Variants in RBFOX1 observed in about 807,000 individuals in gnomAD.
RBFOX1 encodes RNA binding fox-1 homolog 1, also known as RNA binding protein fox-1 homolog 1.
RBFOX1 carries 8 observed loss-of-function variants against 57.7 expected under a neutral mutation model. That is an observed-to-expected ratio of 0.14 (90% CI 0.08 to 0.25). RBFOX1 has a LOEUF of 0.25. Ranked by LOEUF, RBFOX1 falls within the 10% of genes least tolerant of loss-of-function variation. RBFOX1 has a pLI of 1.00. For synonymous variants in RBFOX1, 326 were observed against 222.4 expected (o/e 1.47, Z -4.15); for missense variants, 611 against 548.5 (o/e 1.11, Z -1.14).
intron 4 of RBFOX1, among the ~76,000 whole-genome samples, chr16:7,444,492 GA>G (rs1242001633): frequency 6.6e-6 from 1 of 152,126 alleles, no homozygotes; most frequent in Non-Finnish European, 1.5e-5. Context: ...AAATAATAAA[GA>G]TGTTCTGCAA....
intron 1 of RBFOX1, among the ~76,000 whole-genome samples, chr16:5,436,220 G>A (rs2067913951): frequency 6.6e-6 from 1 of 152,168 alleles, no homozygotes; most frequent in South Asian, 2.1e-4. Flanking sequence ...TCAAAAGGGG[G>A]CTCGTGACTC....
chr16:7,229,552 G>A (rs1326388776), intron 4 of RBFOX1, among the ~76,000 whole-genome samples: 2 of 147,400 alleles, frequency 1.4e-5, no homozygotes, highest in African/African-American at 5.1e-5. Context: ...AGGAGAGAGA[G>A]AGGAAGGAAG....
chr16:7,176,465 C>G (rs892512414), intron 4 of RBFOX1, among the ~76,000 whole-genome samples: 1 of 152,046 alleles, frequency 6.6e-6, no homozygotes, highest in South Asian at 2.1e-4. Context: ...TACGAGGTAT[C>G]TATTATGTCA....
intron 3 of RBFOX1, among the ~76,000 whole-genome samples, chr16:6,873,001 T>A (rs895955601): frequency 1.3e-5 from 2 of 152,148 alleles, no homozygotes; most frequent in African/African-American, 2.4e-5. Flanking sequence ...AGAGATCTTA[T>A]AAAGATAATT....
At chr16:6,034,008 A>C (rs2095327197) in intron 1 of RBFOX1, among the ~76,000 whole-genome samples, 1 of 152,134 alleles carries the variant, frequency 6.6e-6, no homozygotes, top group African/African-American at 2.4e-5. Flanking sequence ...CTGCTGCTAT[A>C]ACAAAATGCT....
At chr16:5,440,441 G>A (rs2068050469) in intron 1 of RBFOX1, among the ~76,000 whole-genome samples, 2 of 152,168 alleles carry the variant, frequency 1.3e-5, no homozygotes, top group South Asian at 4.1e-4. Context: ...AATTTCCACG[G>A]TGTTGTTTTA....
At chr16:5,309,622 A>C (rs982137018) in intron 1 of RBFOX1, among the ~76,000 whole-genome samples, 22 of 152,146 alleles carry the variant, frequency 1.4e-4, no homozygotes, top group Admixed American at 6.5e-4. Context: ...AATAGTGTAC[A>C]TTGTACCTGT....
intron 1 of RBFOX1, among the ~76,000 whole-genome samples, chr16:6,155,879 G>A (rs993640300): frequency 2.6e-5 from 4 of 152,010 alleles, no homozygotes; most frequent in Non-Finnish European, 4.4e-5. Context: ...GTCTTTTGCT[G>A]AGCATTTCAA....
intron 10 of RBFOX1, among the ~76,000 whole-genome samples, chr16:7,609,469 C>A (rs955730149): frequency 6.6e-6 from 1 of 152,150 alleles, no homozygotes; most frequent in Non-Finnish European, 1.5e-5. Context: ...AGAATAAATT[C>A]ATCTGCATGA....
intron 3 of RBFOX1, among the ~76,000 whole-genome samples, chr16:6,742,107 C>T (rs1046312182): frequency 1.3e-5 from 2 of 152,062 alleles, no homozygotes; most frequent in Non-Finnish European, 2.9e-5. Context: ...TAAATATATA[C>T]AGTTATTATT....
chr16:5,544,351 A>G (rs1035450171), intron 2 of RBFOX1, among the ~76,000 whole-genome samples: 1 of 152,204 alleles, frequency 6.6e-6, no homozygotes, highest in African/African-American at 2.4e-5. Context: ...GGTTAAAGAG[A>G]AATTAGAAGC....
chr16:5,844,428 T>C (rs1297972386), intron 3 of RBFOX1, among the ~76,000 whole-genome samples: 1 of 152,236 alleles, frequency 6.6e-6, no homozygotes, highest in Non-Finnish European at 1.5e-5. Flanking sequence ...TGGCATTACA[T>C]TATTGATAAA....
In RBFOX1 at chr16:6,261,309, T is replaced by G. The variant is rs986284014; in HGVS notation, c.-126-55686T>G. Among the ~76,000 whole-genome samples, 7 of 152,226 alleles carry G rather than the reference T, an allele frequency of 4.6e-5. No individual in the cohort carries two copies. In the East Asian group the frequency reaches 1.4e-3, roughly 29 times the overall value. On this transcript the variant is annotated intron_variant, in intron 1 of 15. Transcript: ENST00000550418. ...CAAAATCAGTGTCTTTGAGTCCTGGTGTTAGCCTCATCTTTCAGTTTTTCC... is the reference window on the plus strand; with the variant it reads ...CAAAATCAGTGTCTTTGAGTCCTGGGGTTAGCCTCATCTTTCAGTTTTTCC...
chr16:5,359,933 T>A (rs905343551), intron 1 of RBFOX1, among the ~76,000 whole-genome samples: 1 of 98,082 alleles, frequency 1.0e-5, no homozygotes, highest in African/African-American at 5.5e-5. Context: ...ATCTCTTGAT[T>A]ATGTTTTTTT....
chr16:5,903,460 T>C (rs545735163), intron 4 of RBFOX1, among the ~76,000 whole-genome samples: 1 of 152,220 alleles, frequency 6.6e-6, no homozygotes, highest in Non-Finnish European at 1.5e-5. Context: ...GGGGTACAGT[T>C]GCTGTGTGCT....
At chr16:6,665,114 C>G (rs1192897375) in intron 3 of RBFOX1, among the ~76,000 whole-genome samples, 1 of 152,200 alleles carries the variant, frequency 6.6e-6, no homozygotes, top group Non-Finnish European at 1.5e-5. Context: ...TTTAATTTCA[C>G]CAGATGCTAA....
chr16:6,492,494 G>A (rs1170489463), intron 2 of RBFOX1, among the ~76,000 whole-genome samples: 10 of 152,256 alleles, frequency 6.6e-5, no homozygotes, highest in East Asian at 1.9e-4. Flanking sequence ...GCTTGAACCC[G>A]GGAGGTGGAG....
intron 4 of RBFOX1, among the ~76,000 whole-genome samples, chr16:7,400,534 T>C (rs891711793): frequency 4.6e-5 from 7 of 152,172 alleles, no homozygotes; most frequent in African/African-American, 1.7e-4. Context: ...CTTACAAATA[T>C]ATTCCTTTCC....
intron 1 of RBFOX1, among the ~76,000 whole-genome samples, chr16:6,060,995 T>A (rs1397632402): frequency 6.6e-6 from 1 of 152,176 alleles, no homozygotes; most frequent in Non-Finnish European, 1.5e-5. Context: ...ATGCATTCAT[T>A]TACAGTTACT....
Sources: gnomAD v4.1 joint callset for allele counts (sites outside exome capture counted in the v4.1 genomes callset) on GRCh38, gnomAD v4.1.1 for gene constraint, MANE v1.5 for transcripts, NCBI Gene and HGNC (gene_info 2026-07-23, HGNC 2026-07-21) for gene names.